PLCXD3: variants seen among roughly 807,000 people sequenced by gnomAD.
PLCXD3 encodes phosphatidylinositol specific phospholipase C X domain containing 3.
Under a neutral mutation model 25.5 loss-of-function variants are expected in PLCXD3, and 19 were observed. The observed-to-expected ratio is 0.75, with a 90% CI of 0.52 to 1.09. The LOEUF (loss-of-function observed/expected upper bound fraction) is 1.09. Among genes scored for constraint, PLCXD3 ranks in the 50% least tolerant of loss-of-function variants. The pLI is 0.00. For synonymous variants in PLCXD3, 174 were observed against 137.6 expected (o/e 1.26, Z -1.85); for missense variants, 411 against 388.1 (o/e 1.06, Z -0.50).
At chr5:41,415,344 C>G (rs919565546) in intron 1 of PLCXD3, among the ~76,000 whole-genome samples, 5 of 152,126 alleles carry the variant, frequency 3.3e-5, no homozygotes, top group Non-Finnish European at 7.4e-5. Context: ...AAGGGTAAGT[C>G]ATTTTCAGGA....
In PLCXD3 at chr5:41,368,520, G is replaced by A. The variant is rs529867566; in HGVS notation, c.812+13306C>T. On this transcript the variant is annotated intron_variant, in intron 2 of 2. Transcript: ENST00000377801. The stretch of plus-strand genomic sequence containing the variant: ...ACTTTCTCTCTTCCTATTCGTATAC[G>A]CTTTATTTCTTTCTCTTGCCTGGTT... Among the ~76,000 whole-genome samples, 5 of 152,176 alleles carry A rather than the reference G, an allele frequency of 3.3e-5. No homozygotes were observed. In the East Asian group the frequency reaches 5.8e-4, roughly 18 times the overall value.
chr5:41,362,135 TG>T lies in PLCXD3; in HGVS notation c.812+19690del, dbSNP rs142550821. On this transcript the variant is annotated intron_variant, in intron 2 of 2. Transcript: ENST00000377801. ...TTTTACGTGTAAAAAGCTACTCATC[TG>T]ACAGGACTTTTGTTTGTCCCTGAAT... is the stretch of plus-strand genomic sequence containing the variant. 5.1e-3 allele frequency among the ~76,000 whole-genome samples: 776 copies of T among 152,376 alleles called. 5 individuals are homozygous for T. The highest frequency in any genetic ancestry group is 0.017 in the African/African-American group (720 of 41,594).
intron 1 of PLCXD3, among the ~76,000 whole-genome samples, chr5:41,500,775 G>T (rs189555023): frequency 6.6e-6 from 1 of 151,768 alleles, no homozygotes; most frequent in East Asian, 1.9e-4. Context: ...ATAATCAACA[G>T]AATGAAATAG....
chr5:41,486,790 A>T (rs1417494821), intron 1 of PLCXD3, among the ~76,000 whole-genome samples: 1 of 152,186 alleles, frequency 6.6e-6, no homozygotes, highest in Non-Finnish European at 1.5e-5. Context: ...TTGAATTCTG[A>T]CAACAAAGAA....
At chr5:41,317,014 A>AC (rs1429934567) in intron 2 of PLCXD3, among the ~76,000 whole-genome samples, 1 of 152,196 alleles carries the variant, frequency 6.6e-6, no homozygotes, top group Non-Finnish European at 1.5e-5. Context: ...GAAACCATAC[A>AC]CAATAGCCAG....
intron 1 of PLCXD3, among the ~76,000 whole-genome samples, chr5:41,439,805 G>T (rs775121378): frequency 6.6e-6 from 1 of 152,118 alleles, no homozygotes; most frequent in Non-Finnish European, 1.5e-5. Context: ...AATATCTCAA[G>T]ATTCTGTTGA....
intron 2 of PLCXD3, among the ~76,000 whole-genome samples, chr5:41,348,001 T>G (rs2150479955): frequency 6.6e-6 from 1 of 152,318 alleles, no homozygotes; most frequent in East Asian, 1.9e-4. Context: ...GTAAAAATAG[T>G]TCAGTGGAGA....
chr5:41,403,389 G>T (rs1746245859), intron 1 of PLCXD3, among the ~76,000 whole-genome samples: 4 of 27,612 alleles, frequency 1.4e-4, no homozygotes, highest in South Asian at 8.2e-4. Context: ...TACCCAGATT[G>T]ACTTATTTGT....
intron 1 of PLCXD3, among the ~76,000 whole-genome samples, chr5:41,404,527 A>T (rs1561262894): frequency 6.6e-6 from 1 of 152,160 alleles, no homozygotes; most frequent in Non-Finnish European, 1.5e-5. Context: ...TTAGTAAAAA[A>T]TAAGAATATT....
At chr5:41,395,693 T>C (rs933879609) in intron 1 of PLCXD3, among the ~76,000 whole-genome samples, 27 of 152,022 alleles carry the variant, frequency 1.8e-4, no homozygotes, top group African/African-American at 6.5e-4. Context: ...TGCCAATAAA[T>C]TGGAAAATAT....
intron 2 of PLCXD3, among the ~76,000 whole-genome samples, chr5:41,365,020 CT>C (rs1242281080): frequency 9.9e-5 from 15 of 152,136 alleles, no homozygotes; most frequent in Admixed American, 2.0e-4. Flanking sequence ...TCACATAATG[CT>C]TTCACTTTTC....
chr5:41,321,377 CA>C (rs1268861610), intron 2 of PLCXD3, among the ~76,000 whole-genome samples: 1 of 151,514 alleles, frequency 6.6e-6, no homozygotes, highest in African/African-American at 2.4e-5. Context: ...AGGAATAAAC[CA>C]AAAAAAGTGA....
intron 2 of PLCXD3, among the ~76,000 whole-genome samples, chr5:41,378,667 T>G (rs1745366776): frequency 6.6e-6 from 1 of 152,088 alleles, no homozygotes; most frequent in Non-Finnish European, 1.5e-5. Context: ...AACATTGTAT[T>G]AGTTAAATTT....
intron 1 of PLCXD3, among the ~76,000 whole-genome samples, chr5:41,440,513 G>A (rs1458166944): frequency 6.6e-6 from 1 of 152,002 alleles, no homozygotes; most frequent in Admixed American, 6.6e-5. Context: ...GATTACAGGT[G>A]TGAGCCGCCA....
At chr5:41,354,165 C>T (rs1040054311) in intron 2 of PLCXD3, among the ~76,000 whole-genome samples, 1 of 152,150 alleles carries the variant, frequency 6.6e-6, no homozygotes, top group Non-Finnish European at 1.5e-5. Flanking sequence ...AATGATATTC[C>T]TATAGCTTTA....
At chr5:41,367,818 A>C (rs1744980209) in intron 2 of PLCXD3, among the ~76,000 whole-genome samples, 1 of 152,128 alleles carries the variant, frequency 6.6e-6, no homozygotes, top group Admixed American at 6.5e-5. Flanking sequence ...ATTTTTGTAT[A>C]TGGCGTAAAG....
intron 1 of PLCXD3, among the ~76,000 whole-genome samples, chr5:41,466,115 T>C (rs1329287292): frequency 1.3e-5 from 2 of 152,132 alleles, no homozygotes; most frequent in African/African-American, 4.8e-5. Flanking sequence ...CCTGAAGTGT[T>C]GTAGTCTCCA....
chr5:41,327,362 A>G (rs932418892), intron 2 of PLCXD3, among the ~76,000 whole-genome samples: 1 of 152,108 alleles, frequency 6.6e-6, no homozygotes, highest in African/African-American at 2.4e-5. Flanking sequence ...ATGCAAATAA[A>G]GGTTTGTCCA....
intron 1 of PLCXD3, among the ~76,000 whole-genome samples, chr5:41,478,266 C>T (rs1413077979): frequency 6.6e-6 from 1 of 152,118 alleles, no homozygotes; most frequent in Non-Finnish European, 1.5e-5. Context: ...AGCTGAGCAA[C>T]AAAGGGCTTG....
Sources: allele counts gnomAD v4.1 joint callset (sites outside exome capture counted in the v4.1 genomes callset), GRCh38; gene constraint gnomAD v4.1.1; transcripts MANE v1.5; gene names NCBI Gene and HGNC (gene_info 2026-07-23, HGNC 2026-07-21).